KLF7: variants seen among roughly 807,000 people sequenced by gnomAD.
KLF7 encodes the protein KLF transcription factor 7, also known as Krueppel-like factor 7.
Under a neutral mutation model 27.3 loss-of-function variants are expected in KLF7, and 2 were observed. The ratio of observed to expected loss-of-function variants is 0.07; its 90% CI spans 0.03 to 0.23. The LOEUF is 0.23. Among genes scored for constraint, KLF7 ranks in the 10% least tolerant of loss-of-function variants. KLF7 has a pLI of 1.00. For synonymous variants in KLF7, 165 were observed against 162.4 expected, an observed-to-expected ratio of 1.02 and a Z score of -0.12; for missense variants, 221 against 394.1, an observed-to-expected ratio of 0.56 and a Z score of 3.72.
rs1231810505 is a variant in KLF7, at chr2:207,075,779, T to C, written c.*5434A>G. ...GAGATCTTGGCCATTAACAGGTGTA[T>C]TTTTCCTCCCTGGAATGAAGCAGAA... On this transcript the variant is annotated 3_prime_UTR_variant, in exon 4 of 4. Transcript: ENST00000309446. The C allele has an allele frequency of 6.6e-6, 1 of 152,030 alleles. No individual in the cohort carries two copies. Among genetic ancestry groups the C allele is most frequent in the Non-Finnish European group, 1.5e-5 (1 of 68,014 alleles). 9.4% of individuals were successfully genotyped at this position (152,030 alleles called of 1,614,324 possible).
chr2:207,085,558 T>G (rs116737389), intron 3 of KLF7, among the ~76,000 whole-genome samples: 281 of 152,318 alleles, frequency 1.8e-3, no homozygotes, highest in African/African-American at 6.4e-3. Context: ...ACTACTACTG[T>G]GCTTTCTTTC....
At chr2:207,166,266 T>G, upstream of KLF7, 2 of 836,632 alleles carry the variant, frequency 2.4e-6, no homozygotes, top group Non-Finnish European at 2.9e-6. Context: ...GGGCGGGGCT[T>G]GGCCCTGGCG....
chr2:207,136,297 A>G (rs1166784489), intron 1 of KLF7, among the ~76,000 whole-genome samples: 1 of 152,086 alleles, frequency 6.6e-6, no homozygotes, highest in Non-Finnish European at 1.5e-5. Context: ...CAGACTCTAC[A>G]TGATCTGACC....
chr2:207,120,293 A>G (rs2077302572), intron 2 of KLF7, among the ~76,000 whole-genome samples: 1 of 152,256 alleles, frequency 6.6e-6, no homozygotes, highest in African/African-American at 2.4e-5. Context: ...TTTTCAGCTC[A>G]GTAAATTCTG....
chr2:207,141,305 C>A (rs535353275), intron 1 of KLF7, among the ~76,000 whole-genome samples: 1 of 152,274 alleles, frequency 6.6e-6, no homozygotes, highest in African/African-American at 2.4e-5. Flanking sequence ...TAGACAAGGT[C>A]CCATGATACA....
intron 2 of KLF7, among the ~76,000 whole-genome samples, chr2:207,096,190 G>C (rs2076624701): frequency 1.3e-5 from 2 of 152,178 alleles, no homozygotes; most frequent in Non-Finnish European, 2.9e-5. Context: ...AGCTAGGGGA[G>C]GAAGGACTCA....
At chr2:207,097,325 GTGAC>G (rs1384340561) in intron 2 of KLF7, among the ~76,000 whole-genome samples, 4 of 151,976 alleles carry the variant, frequency 2.6e-5, no homozygotes, top group Non-Finnish European at 5.9e-5. Flanking sequence ...GTACCTGAAA[GTGAC>G]TGGTCAGTTA....
chr2:207,093,215 G>C (rs2076550504), intron 2 of KLF7, among the ~76,000 whole-genome samples: 2 of 152,196 alleles, frequency 1.3e-5, no homozygotes, highest in Admixed American at 6.5e-5. Flanking sequence ...GACTGCCAAA[G>C]ACATTCACCC....
upstream of KLF7, among the ~76,000 whole-genome samples, chr2:207,172,235 G>C (rs775923005): frequency 6.6e-6 from 1 of 152,074 alleles, no homozygotes; most frequent in Admixed American, 6.6e-5. Context: ...GAAGACCTTC[G>C]TGTGACAGGT....
intron 3 of KLF7, among the ~76,000 whole-genome samples, chr2:207,086,924 C>T (rs1385431606): frequency 2.0e-5 from 3 of 152,230 alleles, no homozygotes; most frequent in African/African-American, 7.2e-5. Context: ...TAACAGAACA[C>T]TCTCCTTCAA....
At chr2:207,171,925 CTA>C (rs1006132020), upstream of KLF7, among the ~76,000 whole-genome samples, 7 of 152,110 alleles carry the variant, frequency 4.6e-5, no homozygotes, top group South Asian at 2.1e-4. Context: ...GTTAGTATGA[CTA>C]TGTGCTAATT....
chr2:207,082,622 C>T (rs934509343), intron 3 of KLF7, among the ~76,000 whole-genome samples: 9 of 152,172 alleles, frequency 5.9e-5, no homozygotes, highest in African/African-American at 2.2e-4. Context: ...TACATGACAG[C>T]AGTCATTCTG....
intron 1 of KLF7, among the ~76,000 whole-genome samples, chr2:207,149,988 T>C (rs1275421088): frequency 1.3e-5 from 2 of 152,186 alleles, no homozygotes; most frequent in African/African-American, 4.8e-5. Context: ...GTATTGTTAA[T>C]GAGTCACTGT....
chr2:207,149,761 A>C (rs2078191634), intron 1 of KLF7, among the ~76,000 whole-genome samples: 1 of 152,190 alleles, frequency 6.6e-6, no homozygotes, highest in African/African-American at 2.4e-5. Context: ...CTCGGGTCTG[A>C]GTTCAACCTT....
chr2:207,111,741 A>G (rs770975157), intron 2 of KLF7, among the ~76,000 whole-genome samples: 1 of 152,138 alleles, frequency 6.6e-6, no homozygotes, highest in Non-Finnish European at 1.5e-5. Context: ...AAGAAAAAAG[A>G]TCTGCTCTCC....
At chr2:207,144,166 G>GGGA (rs2078030317) in intron 1 of KLF7, among the ~76,000 whole-genome samples, 1 of 50,392 alleles carries the variant, frequency 2.0e-5, no homozygotes, top group African/African-American at 7.0e-5. Context: ...CAGCGGGGGG[G>GGGA]AGAAAAAAAA....
At chr2:207,171,305 A>C (rs1477856273), upstream of KLF7, among the ~76,000 whole-genome samples, 1 of 152,154 alleles carries the variant, frequency 6.6e-6, no homozygotes, top group Non-Finnish European at 1.5e-5. Flanking sequence ...GGATTAGCAA[A>C]GAAAGTTCTT....
At chr2:207,144,419 C>T (rs544654290) in intron 1 of KLF7, among the ~76,000 whole-genome samples, 1 of 152,304 alleles carries the variant, frequency 6.6e-6, no homozygotes, top group East Asian at 1.9e-4. Context: ...AACACTTATA[C>T]ATTTTTTCAC....
chr2:207,126,497 A>C (rs779299224), intron 1 of KLF7, among the ~76,000 whole-genome samples: 4 of 152,196 alleles, frequency 2.6e-5, no homozygotes, highest in Non-Finnish European at 4.4e-5. Flanking sequence ...AATTTTGGAA[A>C]TGACCACTAA....
Sources: allele counts gnomAD v4.1 joint callset (sites outside exome capture counted in the v4.1 genomes callset), GRCh38; gene constraint gnomAD v4.1.1; transcripts MANE v1.5; gene names NCBI Gene and HGNC (gene_info 2026-07-23, HGNC 2026-07-21).